Variants in CRADD observed in about 807,000 individuals in gnomAD.
The protein encoded by CRADD is death domain-containing protein CRADD.
A neutral mutation model predicts 15.5 loss-of-function variants in CRADD; 9 were observed. The observed-to-expected ratio is 0.58, with a 90% confidence interval of 0.35 to 1.01. The LOEUF (loss-of-function observed/expected upper bound fraction) is 1.01, where lower values mean the gene tolerates loss of function less well. Ranked by LOEUF, CRADD falls within the 50% of genes least tolerant of loss-of-function variation. The probability of loss-of-function intolerance (pLI) is 0.02; values close to 1 mark genes in which losing one functional copy is unlikely to be tolerated. For missense variants in CRADD, 227 were observed against 250.3 expected (o/e 0.91, Z 0.63); for synonymous variants, 118 against 107.6 (o/e 1.10, Z -0.60).
At chr12:93,860,728 G>A (rs1339216890) in intron 2 of CRADD, among the ~76,000 whole-genome samples, 2 of 152,282 alleles carry the variant, frequency 1.3e-5, no homozygotes, top group Non-Finnish European at 2.9e-5. Flanking sequence ...ATTTACATGA[G>A]TCACCTTCAG....
intron 2 of CRADD, among the ~76,000 whole-genome samples, chr12:93,809,607 G>T (rs922908427): frequency 3.3e-5 from 5 of 152,178 alleles, no homozygotes; most frequent in African/African-American, 1.2e-4. Flanking sequence ...GTGCCTGAGT[G>T]GTTGTGCTTC....
intron 2 of CRADD, among the ~76,000 whole-genome samples, chr12:93,836,873 G>A (rs1033940808): frequency 2.6e-5 from 4 of 152,236 alleles, no homozygotes; most frequent in African/African-American, 9.6e-5. Context: ...AGGCATGAGT[G>A]TGTAGGGTTG....
At chr12:93,777,046 A>T (rs1957147665) in intron 2 of CRADD, among the ~76,000 whole-genome samples, 1 of 152,238 alleles carries the variant, frequency 6.6e-6, no homozygotes, top group African/African-American at 2.4e-5. Flanking sequence ...ATTTTATGTC[A>T]TTAAAACTAT....
At chr12:93,738,077 T>C in intron 2 of CRADD, 1 of 480,440 alleles carries the variant, frequency 2.1e-6, no homozygotes, top group Non-Finnish European at 3.6e-6. Context: ...TCGTTTTTAC[T>C]GTAAGTGTTG....
In CRADD at chr12:93,850,281, C is replaced by T. The variant is rs749851833; in HGVS notation, c.*10C>T. On this transcript the variant is annotated 3_prime_UTR_variant, in exon 3 of 3. Coordinates refer to ENST00000332896, the MANE Select transcript of CRADD (RefSeq NM_003805.5). This position sits in a 1 kb window ranked among gnomAD's most constrained non-coding sequence, Gnocchi z 4.0. ...GCACATGTTGGAGTGATGGTGCCTC[C>T]AGCAACCGCTGGGGAGTGTGTCCCT... is the stretch of plus-strand genomic sequence containing the variant. The T allele has an allele frequency of 6.3e-7, 1 of 1,583,586 alleles. No homozygotes were observed. The highest frequency in any genetic ancestry group is 8.6e-7 in the Non-Finnish European group (1 of 1,164,676).
chr12:93,887,657 C>T (rs11614624), intron 2 of CRADD, among the ~76,000 whole-genome samples: 10,440 of 152,300 alleles, frequency 0.069, 409 homozygotes, highest in Admixed American at 0.072. Context: ...CAAGCACACT[C>T]TTTCCTAGTA....
chr12:93,803,312 C>T (rs761031917), intron 2 of CRADD, among the ~76,000 whole-genome samples: 2 of 152,144 alleles, frequency 1.3e-5, no homozygotes, highest in African/African-American at 4.8e-5. Flanking sequence ...CTTTTCCCTT[C>T]AGGCTGGCTG....
At chr12:93,682,826 G>T (rs945058372) in intron 2 of CRADD, among the ~76,000 whole-genome samples, 2 of 152,002 alleles carry the variant, frequency 1.3e-5, no homozygotes, top group Non-Finnish European at 2.9e-5. Flanking sequence ...AAAAAAAAAG[G>T]TTTAAGTTGT....
chr12:93,798,443 T>C (rs1957443909), intron 2 of CRADD, among the ~76,000 whole-genome samples: 1 of 152,194 alleles, frequency 6.6e-6, no homozygotes, highest in East Asian at 1.9e-4. Context: ...ATTTTACATA[T>C]GTTACACTTC....
intron 2 of CRADD, among the ~76,000 whole-genome samples, chr12:93,691,216 A>C (rs994436198): frequency 6.6e-6 from 1 of 151,720 alleles, no homozygotes; most frequent in African/African-American, 2.4e-5. Context: ...CAGTAATTTA[A>C]ATAGGGAAAA....
chr12:93,741,519 G>A (rs1253270891), intron 2 of CRADD, among the ~76,000 whole-genome samples: 2 of 152,186 alleles, frequency 1.3e-5, no homozygotes, highest in Non-Finnish European at 2.9e-5. Flanking sequence ...TACCTCATAG[G>A]AAGCTTTGGA....
At chr12:93,749,792 C>G (rs1384527542) in intron 2 of CRADD, among the ~76,000 whole-genome samples, 2 of 152,188 alleles carry the variant, frequency 1.3e-5, no homozygotes, top group African/African-American at 4.8e-5. Context: ...AAGCTTTTCT[C>G]TTTTCCTCCC....
intron 2 of CRADD, among the ~76,000 whole-genome samples, chr12:93,721,153 C>T (rs1956254147): frequency 1.3e-5 from 2 of 152,158 alleles, no homozygotes; most frequent in African/African-American, 4.8e-5. Flanking sequence ...AGGTCTCAAA[C>T]TCATGGGCTC....
intron 2 of CRADD, chr12:93,738,182 G>A (rs1171465613): frequency 1.6e-5 from 10 of 607,638 alleles, no homozygotes; most frequent in Non-Finnish European, 2.9e-5. Flanking sequence ...AAACAACAGC[G>A]CTGCTCATTT....
At chr12:93,706,369 A>T (rs1484693547) in intron 2 of CRADD, among the ~76,000 whole-genome samples, 1 of 152,240 alleles carries the variant, frequency 6.6e-6, no homozygotes, top group Non-Finnish European at 1.5e-5. Flanking sequence ...CTATGATTAG[A>T]CATAGTTCAA....
chr12:93,743,230 G>T lies in CRADD; in HGVS notation c.298+64158G>T, dbSNP rs116576583. Among the ~76,000 whole-genome samples, 937 of 152,164 alleles carry T rather than the reference G, an allele frequency of 6.2e-3. 11 individuals are homozygous for T. The highest frequency in any genetic ancestry group is 0.022 in the African/African-American group (901 of 41,506). On this transcript the variant is annotated intron_variant, in intron 2 of 2. Transcript: ENST00000332896. ...GAGTTACAATATAGAGGTTTTTTAG[G>T]CCAATTTTTCTATGGGATTCTAGGG... is the stretch of plus-strand genomic sequence containing the variant.
At chr12:93,811,430 G>A (rs7302917) in intron 2 of CRADD, among the ~76,000 whole-genome samples, 54,707 of 152,020 alleles carry the variant, frequency 0.36, 9,950 homozygotes, top group Admixed American at 0.4. Flanking sequence ...TTCAGCAGAG[G>A]CTGGCTACCT....
At chr12:93,816,209 TTTATTTAC>T (rs1957694737) in intron 2 of CRADD, 1 of 152,142 alleles carries the variant, frequency 6.6e-6, no homozygotes. Context: ...ATTTTATTTA[TTTATTTAC>T]TTATTTACTT....
rs1956578772 is a variant in CRADD at position 93,736,867 on chromosome 12, T to C, written c.298+57795T>C. Among the ~76,000 whole-genome samples the C allele has an allele frequency of 2.0e-5, 3 of 152,354 alleles. No individual in the cohort carries two copies. In the South Asian group the frequency reaches 6.2e-4, roughly 32 times the overall value. On this transcript the variant is annotated intron_variant, in intron 2 of 2. Transcript: ENST00000332896. ...TAAATCATTTCATAGCCACATCAGTTTAGTTCTCTTTTATAGAACTCATTA... is the reference window on the plus strand; with the variant it reads ...TAAATCATTTCATAGCCACATCAGTCTAGTTCTCTTTTATAGAACTCATTA...
Sources: gnomAD v4.1 joint callset for allele counts (sites outside exome capture counted in the v4.1 genomes callset) on GRCh38, gnomAD v4.1.1 for gene constraint, Gnocchi (gnomAD v3.1) non-coding constraint, MANE v1.5 for transcripts, NCBI Gene and HGNC (gene_info 2026-07-23, HGNC 2026-07-21) for gene names.